The following PRKG1 variants were observed in gnomAD, a reference collection of about 807,000 sequenced individuals.
The protein encoded by PRKG1 is protein kinase cGMP-dependent 1.
Under a neutral mutation model 88.1 loss-of-function variants are expected in PRKG1, and 35 were observed. That is an observed-to-expected ratio of 0.40 (90% CI 0.30 to 0.53). PRKG1 has a LOEUF of 0.53. PRKG1 is among the 20% of genes least tolerant of loss of function. The pLI is 0.59. For missense variants in PRKG1, 540 were observed against 839.8 expected, an observed-to-expected ratio of 0.64 and a Z score of 4.41; for synonymous variants, 303 against 292.5, an observed-to-expected ratio of 1.04 and a Z score of -0.37.
In PRKG1 at chr10:51,032,401, T is replaced by C. The variant is rs376466450; in HGVS notation, c.266+40757T>C. On this transcript the variant is annotated intron_variant, in intron 1 of 17. Coordinates refer to the PRKG1 transcript ENST00000401604. ...GTCGATTTTTTAAACTTCTGAACTT[T>C]AATTTAATAGATTTTATTTCCACAG... Among the ~76,000 whole-genome samples, 60 of 152,270 alleles carry C rather than the reference T, an allele frequency of 3.9e-4. 2 individuals are homozygous for C. In the South Asian group the frequency reaches 0.012, roughly 29 times the overall value.
rs538149006 is a variant in PRKG1 at position 52,256,363 on chromosome 10, G to GA, written c.1173+4705dup. 4.3e-5 allele frequency among the ~76,000 whole-genome samples: 6 copies of GA among 138,472 alleles called. 1 individual carries two copies. Among genetic ancestry groups the GA allele is most frequent in the South Asian group, 4.6e-4 (2 of 4,320 alleles). The allele number at this position is 138,472 out of a possible 152,430, so 90.8% of individuals were successfully genotyped here. ...AGTTTAATGGCAAAATACCTGCAGA[G>GA]AAAAAAAATCCGACAGTGTAACATG... On this transcript the variant is annotated intron_variant, in intron 10 of 17. Transcript: ENST00000373980.
chr10:52,032,214 T>C (rs1051589403), intron 5 of PRKG1, among the ~76,000 whole-genome samples: 4 of 152,234 alleles, frequency 2.6e-5, no homozygotes, highest in Admixed American at 2.6e-4. Flanking sequence ...TCTAGGATCA[T>C]TGTTACTAAC....
chr10:51,217,163 A>C (rs1411530086), intron 2 of PRKG1, among the ~76,000 whole-genome samples: 1 of 152,140 alleles, frequency 6.6e-6, no homozygotes, highest in Admixed American at 6.6e-5. Flanking sequence ...CTTTATATGC[A>C]TTTCTACAAC....
chr10:51,415,897 T>C (rs753563580), intron 2 of PRKG1, among the ~76,000 whole-genome samples: 1 of 150,922 alleles, frequency 6.6e-6, no homozygotes, highest in Non-Finnish European at 1.5e-5. Context: ...TAAACTGGCA[T>C]GCTAGAGCTT....
At chr10:52,012,837 T>C (rs1461896854) in intron 5 of PRKG1, among the ~76,000 whole-genome samples, 3 of 152,236 alleles carry the variant, frequency 2.0e-5, no homozygotes, top group African/African-American at 4.8e-5. Context: ...AATGAACTCA[T>C]TTTCACAGAA....
chr10:51,144,248 T>A (rs949288792), intron 1 of PRKG1, among the ~76,000 whole-genome samples: 2 of 152,112 alleles, frequency 1.3e-5, no homozygotes. Flanking sequence ...GCTTTTGGAT[T>A]TTTATAAGTG....
Position 51,903,280 on chromosome 10 carries a change from A to G in PRKG1, c.699-4227A>G, listed in dbSNP as rs572138330. On this transcript the variant is annotated intron_variant, in intron 4 of 17. Coordinates refer to ENST00000373980, the MANE Select transcript of PRKG1 (RefSeq NM_006258.4). The stretch of plus-strand genomic sequence containing the variant: ...GTTTGAAAACAAAACAAAACAAAAA[A>G]CAATTGATAAAGACACTTTTGGACA... Among the ~76,000 whole-genome samples the G allele has an allele frequency of 2.0e-5, 3 of 152,282 alleles. No individual in the cohort carries two copies. In the South Asian group the frequency reaches 6.2e-4, roughly 32 times the overall value.
intron 3 of PRKG1, among the ~76,000 whole-genome samples, chr10:51,619,268 A>G (rs1839146693): frequency 6.6e-6 from 1 of 152,196 alleles, no homozygotes; most frequent in African/African-American, 2.4e-5. Context: ...CAATGTCCCA[A>G]GTAAAGTAAA....
intron 2 of PRKG1, among the ~76,000 whole-genome samples, chr10:51,241,024 G>A (rs1391189221): frequency 6.6e-6 from 1 of 152,126 alleles, no homozygotes; most frequent in African/African-American, 2.4e-5. Context: ...TCCTTGAGCT[G>A]GGTGCTTACT....
chr10:51,713,826 G>A lies in PRKG1; in HGVS notation c.593-90759G>A, dbSNP rs1179967748. On this transcript the variant is annotated intron_variant, in intron 3 of 17. Transcript: ENST00000373980. ...TAGTGTATTAGTATTGGGTCAGACA[G>A]GGCAGCAATATAATTATATGGTTTC... is the stretch of plus-strand genomic sequence containing the variant. 2.0e-5 allele frequency among the ~76,000 whole-genome samples: 3 copies of A among 152,100 alleles called. No individual in the cohort carries two copies. The South Asian group carries it at 6.2e-4, about 32-fold the overall frequency.
intron 3 of PRKG1, among the ~76,000 whole-genome samples, chr10:51,768,951 T>C (rs1356141877): frequency 6.6e-6 from 1 of 152,196 alleles, no homozygotes; most frequent in Non-Finnish European, 1.5e-5. Flanking sequence ...TTTGGACATC[T>C]TTGATGAACG....
At chr10:52,177,318 G>T (rs1838893012) in intron 9 of PRKG1, among the ~76,000 whole-genome samples, 1 of 151,812 alleles carries the variant, frequency 6.6e-6, no homozygotes, top group South Asian at 2.1e-4. Context: ...TTATTTATTT[G>T]CATCTTTTAA....
chr10:51,774,434 A>G (rs573610543), intron 3 of PRKG1, among the ~76,000 whole-genome samples: 1 of 152,216 alleles, frequency 6.6e-6, no homozygotes, highest in Non-Finnish European at 1.5e-5. Context: ...TTCTTAGCCT[A>G]TCCTTACGGT....
chr10:51,189,303 T>C (rs948103015), intron 2 of PRKG1, among the ~76,000 whole-genome samples: 3 of 151,944 alleles, frequency 2.0e-5, no homozygotes, highest in African/African-American at 4.8e-5. Context: ...GTTTTCTGAC[T>C]TCTATAAAAC....
At chr10:51,153,356 G>A in intron 2 of PRKG1, 26 bp downstream of exon 2, 1 of 1,555,434 alleles carries the variant, frequency 6.4e-7, no homozygotes, top group Non-Finnish European at 8.7e-7. Flanking sequence ...CCAATCCTCT[G>A]ACATTCAAAT....
intron 2 of PRKG1, among the ~76,000 whole-genome samples, chr10:51,214,462 C>T (rs1042596301): frequency 6.6e-6 from 1 of 151,920 alleles, no homozygotes; most frequent in Non-Finnish European, 1.5e-5. Context: ...CAGGATGGAC[C>T]AAGTGTTGCC....
intron 2 of PRKG1, among the ~76,000 whole-genome samples, chr10:51,223,197 G>T (rs1838597953): frequency 6.6e-6 from 1 of 151,984 alleles, no homozygotes; most frequent in Non-Finnish European, 1.5e-5. Flanking sequence ...CCCACCCTCT[G>T]TAGCTCCTGG....
chr10:52,023,846 C>G (rs1195333356), intron 5 of PRKG1, among the ~76,000 whole-genome samples: 4 of 152,072 alleles, frequency 2.6e-5, no homozygotes, highest in Admixed American at 6.5e-5. Context: ...CAAAAATTTT[C>G]TCGCATTCTG....
intron 3 of PRKG1, among the ~76,000 whole-genome samples, chr10:51,736,605 C>CT (rs555514944): frequency 0.018 from 2,503 of 137,660 alleles, 35 homozygotes; most frequent in African/African-American, 0.038. Flanking sequence ...ATCCATCTTA[C>CT]TTTTTTTTTT....
Sources: gnomAD v4.1 joint callset for allele counts (sites outside exome capture counted in the v4.1 genomes callset) on GRCh38, gnomAD v4.1.1 for gene constraint, MANE v1.5 for transcripts, NCBI Gene and HGNC (gene_info 2026-07-23, HGNC 2026-07-21) for gene names.